Variants in ZNF609 observed in about 807,000 individuals in gnomAD.
The protein encoded by ZNF609 is zinc finger protein 609.
Under a neutral mutation model 109.5 loss-of-function variants are expected in ZNF609, and 11 were observed. The ratio of observed to expected loss-of-function variants is 0.10; its 90% CI spans 0.06 to 0.17. ZNF609 has a LOEUF of 0.17. Ranked by LOEUF, ZNF609 falls within the 10% of genes least tolerant of loss-of-function variation. The probability of loss-of-function intolerance (pLI) is 1.00; values close to 1 mark genes in which losing one functional copy is unlikely to be tolerated. For missense variants in ZNF609, 1,559 were observed against 1,772.4 expected (o/e 0.88, Z 2.16); for synonymous variants, 646 against 662.0 (o/e 0.98, Z 0.37).
At chr15:64,612,436 A>T (rs1895732608) in intron 2 of ZNF609, among the ~76,000 whole-genome samples, 1 of 151,998 alleles carries the variant, frequency 6.6e-6, no homozygotes, top group African/African-American at 2.4e-5. Context: ...GGCGTGAGCC[A>T]CTGTGCCCGG....
rs145961077 is a variant in ZNF609, at chr15:64,520,993, C to T, written c.747+20827C>T. On this transcript the variant is annotated intron_variant, in intron 2 of 9. Coordinates refer to ENST00000326648, the MANE Select transcript of ZNF609 (RefSeq NM_015042.2). ...CACTGAAGTTATTTCTGAAAGTGTT[C>T]GCTTTTACTTTTAATTTAAAATCTT... 1.5e-3 allele frequency among the ~76,000 whole-genome samples: 221 copies of T among 152,220 alleles called. 1 individual carries two copies. Among genetic ancestry groups the T allele is most frequent in the Non-Finnish European group, 2.5e-3 (169 of 68,008 alleles).
intron 2 of ZNF609, among the ~76,000 whole-genome samples, chr15:64,594,960 A>G (rs1433452719): frequency 6.9e-6 from 1 of 145,678 alleles, no homozygotes; most frequent in East Asian, 2.0e-4. Context: ...CGGGAAGTGG[A>G]GCTTACAGTC....
intron 2 of ZNF609, among the ~76,000 whole-genome samples, chr15:64,594,440 C>T (rs983403011): frequency 6.6e-6 from 1 of 151,818 alleles, no homozygotes; most frequent in Non-Finnish European, 1.5e-5. Flanking sequence ...TCAGGTGATC[C>T]TCTCACCTCA....
intron 1 of ZNF609, among the ~76,000 whole-genome samples, chr15:64,467,142 A>G (rs965660928): frequency 6.6e-6 from 1 of 152,146 alleles, no homozygotes; most frequent in Non-Finnish European, 1.5e-5. Context: ...CTAGTCCATC[A>G]CTCAGGGGCA....
intron 2 of ZNF609, among the ~76,000 whole-genome samples, chr15:64,604,138 T>A (rs1895556425): frequency 6.6e-6 from 1 of 152,216 alleles, no homozygotes; most frequent in African/African-American, 2.4e-5. Context: ...TTCACATTTG[T>A]TTACCTCACC....
chr15:64,489,971 T>C (rs1246003223), intron 1 of ZNF609, among the ~76,000 whole-genome samples: 1 of 151,810 alleles, frequency 6.6e-6, no homozygotes, highest in Non-Finnish European at 1.5e-5. Context: ...TTTTATTTAC[T>C]TGTTTGAGAC....
At chr15:64,598,168 G>T (rs150167900) in intron 2 of ZNF609, among the ~76,000 whole-genome samples, 1 of 152,206 alleles carries the variant, frequency 6.6e-6, no homozygotes, top group African/African-American at 2.4e-5. Context: ...AGGCTGGAGT[G>T]CAGTGGCACG....
At chr15:64,478,807 C>CA (rs1893208280) in intron 1 of ZNF609, among the ~76,000 whole-genome samples, 1 of 152,124 alleles carries the variant, frequency 6.6e-6, no homozygotes, top group Non-Finnish European at 1.5e-5. Flanking sequence ...GGAGGGTTTG[C>CA]TGTATATCAA....
At chr15:64,633,358 G>T (rs942922127) in intron 3 of ZNF609, among the ~76,000 whole-genome samples, 3 of 152,066 alleles carry the variant, frequency 2.0e-5, no homozygotes, top group Non-Finnish European at 4.4e-5. Context: ...TATTGCTCAG[G>T]CTGGTCTCAA....
At position 64,509,974 on chromosome 15, in the gene ZNF609, G is replaced by A. The variant is rs114845319; in HGVS notation, c.747+9808G>A. Among the ~76,000 whole-genome samples, 1,238 of 152,230 alleles carry A rather than the reference G, an allele frequency of 8.1e-3. 18 individuals carry two copies. Among genetic ancestry groups the A allele is most frequent in the African/African-American group, 0.029 (1,191 of 41,522 alleles). On this transcript the variant is annotated intron_variant, in intron 2 of 9. Transcript: ENST00000326648. ...CTTGTTTTTGCTCTCTGTGATTTCA[G>A]TTACCCTCAGACAACCAAGATGTGA...
At chr15:64,616,397 A>G (rs1895797984) in intron 2 of ZNF609, among the ~76,000 whole-genome samples, 1 of 151,906 alleles carries the variant, frequency 6.6e-6, no homozygotes, top group Non-Finnish European at 1.5e-5. Context: ...ATATAGTTAT[A>G]ATTACTCTTT....
chr15:64,466,802 TC>T (rs1382063556), intron 1 of ZNF609, among the ~76,000 whole-genome samples: 2 of 151,986 alleles, frequency 1.3e-5, no homozygotes, highest in East Asian at 3.9e-4. Context: ...CTTTTACCTT[TC>T]CCCCACCCCC....
At chr15:64,511,389 G>A (rs1354305451) in intron 2 of ZNF609, among the ~76,000 whole-genome samples, 1 of 150,886 alleles carries the variant, frequency 6.6e-6, no homozygotes, top group Non-Finnish European at 1.5e-5. Context: ...GTTGAGGCAG[G>A]AGAATTGCTT....
intron 2 of ZNF609, among the ~76,000 whole-genome samples, chr15:64,580,589 C>T (rs951755169): frequency 6.9e-5 from 10 of 144,912 alleles, no homozygotes; most frequent in African/African-American, 2.5e-4. Flanking sequence ...CTCGTTCTGT[C>T]GCCTAGGCTG....
At chr15:64,539,723 C>T (rs1461256800) in intron 2 of ZNF609, among the ~76,000 whole-genome samples, 5 of 152,072 alleles carry the variant, frequency 3.3e-5, no homozygotes, top group South Asian at 2.1e-4. Flanking sequence ...AGGCTGGTCT[C>T]GAACTCCTGA....
intron 2 of ZNF609, among the ~76,000 whole-genome samples, chr15:64,595,084 G>A (rs568928593): frequency 2.6e-4 from 40 of 152,012 alleles, no homozygotes; most frequent in Non-Finnish European, 4.3e-4. Flanking sequence ...TTTGGGCCGG[G>A]CGCGGTGGCT....
In ZNF609 at chr15:64,510,573, C is replaced by G. The variant is rs567786050; in HGVS notation, c.747+10407C>G. Among the ~76,000 whole-genome samples the G allele has an allele frequency of 6.6e-5, 10 of 152,092 alleles. No individual in the cohort carries two copies. In the South Asian group the frequency reaches 2.1e-3, roughly 32 times the overall value. On this transcript the variant is annotated intron_variant, in intron 2 of 9. Coordinates refer to ENST00000326648, the MANE Select transcript of ZNF609 (RefSeq NM_015042.2). The stretch of plus-strand genomic sequence containing the variant: ...TATAAATTAAACTTTATCATAGGTA[C>G]GTACGTAGAGGAAAAAACCTAGTAT...
At chr15:64,554,802 T>A (rs1235035777) in intron 2 of ZNF609, among the ~76,000 whole-genome samples, 1 of 151,872 alleles carries the variant, frequency 6.6e-6, no homozygotes, top group Admixed American at 6.6e-5. Flanking sequence ...TGCTAATCTT[T>A]AAAGAATTTT....
chr15:64,478,380 T>C (rs1893202390), intron 1 of ZNF609, among the ~76,000 whole-genome samples: 1 of 151,884 alleles, frequency 6.6e-6, no homozygotes, highest in Non-Finnish European at 1.5e-5. Context: ...AAATGAACTT[T>C]TTTTTTTTGA....
Sources: allele counts gnomAD v4.1 joint callset (sites outside exome capture counted in the v4.1 genomes callset), GRCh38; gene constraint gnomAD v4.1.1; transcripts MANE v1.5; gene names NCBI Gene and HGNC (gene_info 2026-07-23, HGNC 2026-07-21).